GON4L: variants seen among roughly 807,000 people sequenced by gnomAD.
The protein encoded by GON4L is GON-4-like protein.
Under a neutral mutation model 211.8 loss-of-function variants are expected in GON4L, and 87 were observed. The observed-to-expected ratio is 0.41, with a 90% CI of 0.35 to 0.49. The LOEUF is 0.49. GON4L is among the 20% of genes least tolerant of loss of function. The pLI is 0.15. For synonymous variants in GON4L, 875 were observed against 962.6 expected (o/e 0.91, Z 1.68); for missense variants, 2,155 against 2,659.5 (o/e 0.81, Z 4.17).
chr1:155,810,745 G>A (rs12024257), intron 10 of GON4L, among the ~76,000 whole-genome samples: 42,395 of 150,830 alleles, frequency 0.28, 6,612 homozygotes, highest in East Asian at 0.7. Flanking sequence ...AAGGCCAGGC[G>A]CAGTGGCTCA....
At chr1:155,776,186 A>G (rs1177974462) in intron 16 of GON4L, among the ~76,000 whole-genome samples, 1 of 152,190 alleles carries the variant, frequency 6.6e-6, no homozygotes, top group Non-Finnish European at 1.5e-5. Flanking sequence ...GTATTAAGAA[A>G]ATTGAATACA....
chr1:155,754,435 T>A lies in GON4L; in HGVS notation c.5571A>T (p.Gly1857=), dbSNP rs770695785. The part of the protein sequence containing the change: ...AKDCACSCHE[G]GPDSKLKKSK... ...TCTTCTTCAGCTTGGAATCTGGACCTCCTTCATGGCAGGAGCAGGCACAGT... is the reference window on the plus strand; with the variant it reads ...TCTTCTTCAGCTTGGAATCTGGACCACCTTCATGGCAGGAGCAGGCACAGT... The change falls in exon 28 of 32, where the codon GGA becomes GGT. Residue 1857 remains glycine, a synonymous_variant. Transcript: ENST00000368331. 1 of 1,612,220 alleles carries A rather than the reference T, an allele frequency of 6.2e-7. No individual in the cohort carries two copies. Among genetic ancestry groups the A allele is most frequent in the Non-Finnish European group, 8.5e-7 (1 of 1,179,320 alleles).
chr1:155,818,984 T>A (rs1187075055), intron 6 of GON4L, among the ~76,000 whole-genome samples: 2 of 138,954 alleles, frequency 1.4e-5, no homozygotes, highest in Non-Finnish European at 1.6e-5. Context: ...GGTGACAGAG[T>A]GAGACTCCAT....
chr1:155,766,403 G>C lies in GON4L; in HGVS notation c.3070C>G (p.Arg1024Gly). ...GGAGGGGCTTCTGAATGAGTTGATC[G>C]GGCTGGTGTTTTCCCAGGGTTGAAG... ...PSFNPGKTPARSTHSEAPPSK... is the reference protein window; with the variant it reads ...PSFNPGKTPAGSTHSEAPPSK... Residue 1024 changes from arginine (R) to glycine (G), a missense_variant, in exon 21 of 32, where the codon CGA becomes GGA. This residue lies in a region of GON4L where 615 missense variants were observed against 625.7 expected (regional missense o/e 0.98). Coordinates refer to ENST00000368331, the MANE Select transcript of GON4L (RefSeq NM_001282860.2). 6.2e-7 allele frequency: 1 copy of C among 1,614,134 alleles called. No individual in the cohort carries two copies. Among genetic ancestry groups the C allele is most frequent in the Non-Finnish European group, 8.5e-7 (1 of 1,180,032 alleles).
At chr1:155,808,634 GTT>G (rs901028348) in intron 10 of GON4L, among the ~76,000 whole-genome samples, 4 of 151,550 alleles carry the variant, frequency 2.6e-5, no homozygotes, top group Non-Finnish European at 5.9e-5. Flanking sequence ...TTTTCTTTTT[GTT>G]TTTTGTTTTT....
At chr1:155,762,995 C>T (rs1557830712) in intron 22 of GON4L, among the ~76,000 whole-genome samples, 1 of 151,298 alleles carries the variant, frequency 6.6e-6, no homozygotes, top group Non-Finnish European at 1.5e-5. Context: ...AAGATCGCAC[C>T]ACTGCACTCC....
At chr1:155,854,666 C>T (rs1020818564) in intron 1 of GON4L, among the ~76,000 whole-genome samples, 4 of 152,128 alleles carry the variant, frequency 2.6e-5, no homozygotes, top group East Asian at 3.8e-4. Context: ...TACATGTTTG[C>T]TATTGCTGTT....
At chr1:155,764,038 G>GA (rs1662145844) in intron 21 of GON4L, among the ~76,000 whole-genome samples, 1 of 149,374 alleles carries the variant, frequency 6.7e-6, no homozygotes, top group African/African-American at 2.5e-5. Context: ...AAAAAACACA[G>GA]AAAAAACCAC....
At position 155,754,570 on chromosome 1, in the gene GON4L, C is replaced by T. The variant is rs143838390; in HGVS notation, c.5518-82G>A. On this transcript the variant is annotated intron_variant, in intron 27 of 31. Transcript: ENST00000368331. ...TTTGAGACAGAGTCTCGCTCTGTGG[C>T]CCAGGCTGGGTTGCAGTGGCACGAT... 2.8e-3 allele frequency: 2,422 copies of T among 850,076 alleles called. 44 individuals are homozygous for T. In the African/African-American group the frequency reaches 0.04, roughly 14 times the overall value. The allele number at this position is 850,076 out of a possible 1,614,324, so 52.7% of individuals were successfully genotyped here.
intron 12 of GON4L, among the ~76,000 whole-genome samples, chr1:155,794,664 C>T (rs962238844): frequency 1.3e-5 from 2 of 152,174 alleles, no homozygotes; most frequent in African/African-American, 2.4e-5. Context: ...ATATCATACA[C>T]TAGGAGATGA....
intron 13 of GON4L, 120 bp from the exon 14 acceptor site, chr1:155,784,209 A>C (rs1401571408): frequency 3.3e-5 from 45 of 1,356,958 alleles, no homozygotes; most frequent in Non-Finnish European, 4.5e-5. Context: ...GGCACCCAGA[A>C]AGAGCCAATG....
chr1:155,755,297 G>T (rs1297969123), intron 27 of GON4L, among the ~76,000 whole-genome samples: 1 of 152,008 alleles, frequency 6.6e-6, no homozygotes, highest in Non-Finnish European at 1.5e-5. Flanking sequence ...TCGAACTCCT[G>T]ACCTGAAGTA....
chr1:155,827,122 A>G, intron 2 of GON4L, 94 bp from the exon 3 acceptor site: 1 of 929,696 alleles, frequency 1.1e-6, no homozygotes, highest in Non-Finnish European at 1.8e-6. Context: ...TTTTAGGTAG[A>G]CAACTTCATG....
At chr1:155,748,843 T>C (rs1660354318), downstream of GON4L, 9 of 1,522,180 alleles carry the variant, frequency 5.9e-6, no homozygotes, top group Admixed American at 1.8e-5. Context: ...CATGTCCTTT[T>C]CCCCCTAATT....
intron 22 of GON4L, 83 bp downstream of exon 22, chr1:155,763,229 A>G: frequency 7.4e-7 from 1 of 1,354,028 alleles, no homozygotes; most frequent in Non-Finnish European, 1.0e-6. Context: ...CACCTGGTTT[A>G]TAAGCTACCC....
chr1:155,819,904 T>C (rs915214513), intron 6 of GON4L, among the ~76,000 whole-genome samples: 4 of 151,990 alleles, frequency 2.6e-5, no homozygotes, highest in African/African-American at 9.7e-5. Flanking sequence ...CTCAAAAGTA[T>C]GGAGATTTTT....
intron 11 of GON4L, among the ~76,000 whole-genome samples, chr1:155,796,402 C>A (rs529188360): frequency 6.6e-6 from 1 of 151,962 alleles, no homozygotes; most frequent in Admixed American, 6.6e-5. Flanking sequence ...CTCAGCCTAC[C>A]AAGTAACTGA....
chr1:155,770,992 C>A, intron 19 of GON4L, 75 bp downstream of exon 19: 1 of 1,599,132 alleles, frequency 6.3e-7, no homozygotes, highest in Non-Finnish European at 8.6e-7. Flanking sequence ...TTCCTCTTTT[C>A]TTTGAGAATA....
intron 6 of GON4L, among the ~76,000 whole-genome samples, chr1:155,818,184 T>C (rs886272556): frequency 6.6e-6 from 1 of 151,960 alleles, no homozygotes; most frequent in African/African-American, 2.4e-5. Context: ...TGCAGTGGCA[T>C]GGTCTCCGCT....
Sources: allele counts gnomAD v4.1 joint callset (sites outside exome capture counted in the v4.1 genomes callset), GRCh38; gene constraint gnomAD v4.1.1; regional missense constraint gnomAD v4.1.1; transcripts MANE v1.5; gene names NCBI Gene and HGNC (gene_info 2026-07-23, HGNC 2026-07-21).